Variants in RBKS observed in about 807,000 individuals in gnomAD.
RBKS encodes the protein ribokinase.
In RBKS, 33 loss-of-function variants were observed where a neutral mutation model predicts 33.9. The observed-to-expected ratio is 0.97, with a 90% CI of 0.74 to 1.30. RBKS has a LOEUF of 1.30. RBKS is among the 50% of genes most tolerant of loss of function. The pLI is 0.00. For missense variants in RBKS, 361 were observed against 392.6 expected, an observed-to-expected ratio of 0.92 and a Z score of 0.68; for synonymous variants, 125 against 143.0, an observed-to-expected ratio of 0.87 and a Z score of 0.90.
chr2:27,782,835 A>T, intron 7 of RBKS: 1 of 238,710 alleles, frequency 4.2e-6, no homozygotes, highest in South Asian at 4.7e-5. Flanking sequence ...AGGGTTGGGG[A>T]ATTATTCCCT....
At chr2:27,821,737 T>G (rs74511892) in intron 7 of RBKS, among the ~76,000 whole-genome samples, 1,588 of 152,330 alleles carry the variant, frequency 0.01, 22 homozygotes, top group African/African-American at 0.037. Flanking sequence ...AGTAGCTGTG[T>G]CAATAGAGTA....
chr2:27,846,711 G>A (rs571904413), intron 4 of RBKS, among the ~76,000 whole-genome samples: 16 of 152,252 alleles, frequency 1.1e-4, no homozygotes, highest in Non-Finnish European at 2.2e-4. Flanking sequence ...ACAGATGAAT[G>A]CTTGACTGCT....
chr2:27,794,217 A>T (rs1010672365), intron 7 of RBKS, among the ~76,000 whole-genome samples: 1 of 151,140 alleles, frequency 6.6e-6, no homozygotes, highest in African/African-American at 2.4e-5. Flanking sequence ...GAATCGCTTG[A>T]ACCTGGGAGG....
chr2:27,799,618 GA>G (rs1220734598), intron 7 of RBKS, among the ~76,000 whole-genome samples: 1 of 152,194 alleles, frequency 6.6e-6, no homozygotes, highest in African/African-American at 2.4e-5. Flanking sequence ...TCTTAAAAAA[GA>G]ATATTGCCAG....
In RBKS at chr2:27,890,186, C is replaced by T; in HGVS notation, c.89+71G>A. 6.8e-7 allele frequency: 1 copy of T among 1,472,036 alleles called. No individual in the cohort carries two copies. The highest frequency in any genetic ancestry group is 1.7e-5 in the Admixed American group (1 of 58,114). The allele number at this position is 1,472,036 out of a possible 1,614,324, so 91.2% of individuals were successfully genotyped here. A position where few individuals can be genotyped will look rare whatever the true frequency, so the allele number is the denominator to read the frequency against. ...CCTGGAGACCCAGCGCCCAAAAGCT[C>T]CACTGGGCGCATAGCGCACGGCACG... On this transcript the variant is annotated intron_variant, in intron 1 of 7. Transcript: ENST00000302188. This position sits in a 1 kb window ranked among gnomAD's most constrained non-coding sequence, Gnocchi z 4.8.
intron 1 of RBKS, among the ~76,000 whole-genome samples, chr2:27,883,811 T>G (rs1027224939): frequency 6.6e-6 from 1 of 151,864 alleles, no homozygotes; most frequent in African/African-American, 2.4e-5. Context: ...TCCTCCCACA[T>G]CGGCCTCCCA....
At chr2:27,794,753 A>G (rs1365117963) in intron 7 of RBKS, among the ~76,000 whole-genome samples, 1 of 151,506 alleles carries the variant, frequency 6.6e-6, no homozygotes, top group Non-Finnish European at 1.5e-5. Context: ...CCTCCCAAGT[A>G]GCTGGGATTA....
intron 7 of RBKS, among the ~76,000 whole-genome samples, chr2:27,815,377 T>A (rs898684801): frequency 9.9e-5 from 15 of 152,182 alleles, no homozygotes; most frequent in Admixed American, 5.2e-4. Flanking sequence ...TGGCTAACTT[T>A]TTTTGTCGAA....
At chr2:27,803,708 A>C (rs929285716) in intron 7 of RBKS, among the ~76,000 whole-genome samples, 2 of 151,614 alleles carry the variant, frequency 1.3e-5, no homozygotes, top group African/African-American at 4.8e-5. Context: ...TCAAAAAAAA[A>C]AAAAAGTCTG....
At chr2:27,811,977 G>C (rs1677994161) in intron 7 of RBKS, among the ~76,000 whole-genome samples, 1 of 152,198 alleles carries the variant, frequency 6.6e-6, no homozygotes, top group African/African-American at 2.4e-5. Flanking sequence ...TTTGTAATGT[G>C]ATCCTCTTCC....
chr2:27,854,040 A>G (rs1487357540), intron 2 of RBKS, among the ~76,000 whole-genome samples: 1 of 152,218 alleles, frequency 6.6e-6, no homozygotes, highest in East Asian at 1.9e-4. Context: ...TTTTTGGTTA[A>G]GGTGATGGAT....
chr2:27,877,645 C>G (rs1283960318), intron 1 of RBKS, among the ~76,000 whole-genome samples: 1 of 152,186 alleles, frequency 6.6e-6, no homozygotes, highest in Non-Finnish European at 1.5e-5. Context: ...TCCAAGGACT[C>G]TACCTTCTAG....
intron 2 of RBKS, among the ~76,000 whole-genome samples, chr2:27,850,017 C>T (rs1558550008): frequency 6.6e-6 from 1 of 152,148 alleles, no homozygotes; most frequent in Non-Finnish European, 1.5e-5. Flanking sequence ...CCCTCTAATG[C>T]TAACCATTTG....
At chr2:27,862,410 C>T (rs961366098) in intron 1 of RBKS, among the ~76,000 whole-genome samples, 2 of 152,088 alleles carry the variant, frequency 1.3e-5, no homozygotes, top group Non-Finnish European at 2.9e-5. Flanking sequence ...ATACATACGA[C>T]AAGAATATTT....
intron 7 of RBKS, among the ~76,000 whole-genome samples, chr2:27,805,987 G>C (rs1677889588): frequency 6.6e-6 from 1 of 152,008 alleles, no homozygotes; most frequent in African/African-American, 2.4e-5. Flanking sequence ...AACCTCCTGG[G>C]CTCAAGTGAT....
At chr2:27,858,626 A>C in intron 1 of RBKS, 55 bp from the exon 2 acceptor site, 1 of 1,537,120 alleles carries the variant, frequency 6.5e-7, no homozygotes, top group Non-Finnish European at 8.9e-7. Flanking sequence ...TAATCAATTT[A>C]AGTTCTTTAG....
intron 5 of RBKS, among the ~76,000 whole-genome samples, chr2:27,833,185 C>G (rs1456413038): frequency 6.6e-6 from 1 of 151,962 alleles, no homozygotes. Flanking sequence ...GTTCATAAAC[C>G]CATTTTCCAG....
intron 1 of RBKS, among the ~76,000 whole-genome samples, chr2:27,868,496 T>C (rs547451238): frequency 6.6e-5 from 10 of 152,344 alleles, no homozygotes; most frequent in Admixed American, 2.0e-4. Flanking sequence ...TCTTTGACAA[T>C]TGGTATTCTT....
rs1041307238 is a variant in RBKS, at chr2:27,858,687, A to G, written c.90-116T>C. ...GCTCTAAATAGTCTTAACAATTAGA[A>G]CTATAAGCAGAAGCAACGAAGATTA... is the stretch of plus-strand genomic sequence containing the variant. On this transcript the variant is annotated intron_variant, in intron 1 of 7. Coordinates refer to ENST00000302188, the MANE Select transcript of RBKS (RefSeq NM_022128.3). 3.5e-6 allele frequency: 3 copies of G among 864,476 alleles called. No individual in the cohort carries two copies. The African/African-American group carries it at 5.1e-5, about 15-fold the overall frequency. The allele number at this position is 864,476 out of a possible 1,614,324, so 53.6% of individuals were successfully genotyped here. A position where few individuals can be genotyped will look rare whatever the true frequency, so the allele number is the denominator to read the frequency against.
Sources: allele counts gnomAD v4.1 joint callset (sites outside exome capture counted in the v4.1 genomes callset), GRCh38; gene constraint gnomAD v4.1.1; non-coding constraint Gnocchi (gnomAD v3.1); transcripts MANE v1.5; gene names NCBI Gene and HGNC (gene_info 2026-07-23, HGNC 2026-07-21).